ABLIM3: variants seen among roughly 807,000 people sequenced by gnomAD.
The protein encoded by ABLIM3 is actin binding LIM protein family member 3.
In ABLIM3, 61 loss-of-function variants were observed where a neutral mutation model predicts 109.5. That is an observed-to-expected ratio of 0.56 (90% confidence interval 0.45 to 0.69). ABLIM3 has a LOEUF of 0.69. Among genes scored for constraint, ABLIM3 ranks in the 30% least tolerant of loss-of-function variants. The probability of loss-of-function intolerance (pLI) is 0.00; values close to 1 mark genes in which losing one functional copy is unlikely to be tolerated. For synonymous variants in ABLIM3, 300 were observed against 324.8 expected (o/e 0.92, Z 0.82); for missense variants, 796 against 889.5 (o/e 0.89, Z 1.34).
At chr5:149,206,409 A>C (rs1480176975) in intron 5 of ABLIM3, among the ~76,000 whole-genome samples, 1 of 152,210 alleles carries the variant, frequency 6.6e-6, no homozygotes, top group Non-Finnish European at 1.5e-5. Flanking sequence ...CCATTCATTC[A>C]TACACATTTG....
intron 23 of ABLIM3, among the ~76,000 whole-genome samples, chr5:149,253,038 C>A (rs189796712): frequency 6.6e-6 from 1 of 152,112 alleles, no homozygotes; most frequent in African/African-American, 2.4e-5. Context: ...GCTGTTCCCC[C>A]AAAACTGCCC....
At chr5:149,149,858 T>C (rs1753270384) in intron 2 of ABLIM3, among the ~76,000 whole-genome samples, 1 of 152,146 alleles carries the variant, frequency 6.6e-6, no homozygotes, top group South Asian at 2.1e-4. Context: ...ACCAGGAGCC[T>C]AGTAACTGTG....
chr5:149,219,903 T>C (rs2127530032), intron 8 of ABLIM3: 1 of 152,394 alleles, frequency 6.6e-6, no homozygotes, highest in South Asian at 2.1e-4. Context: ...TTTGCCTCCC[T>C]GCCTGAATTC....
intron 23 of ABLIM3, among the ~76,000 whole-genome samples, chr5:149,253,930 TG>T (rs971056911): frequency 6.6e-6 from 1 of 152,220 alleles, no homozygotes; most frequent in Non-Finnish European, 1.5e-5. Flanking sequence ...TCCACATGGC[TG>T]GGGAGTCCTC....
chr5:149,255,982 A>T (rs1051996675), intron 23 of ABLIM3, among the ~76,000 whole-genome samples: 18 of 152,184 alleles, frequency 1.2e-4, no homozygotes, highest in Non-Finnish European at 1.6e-4. Flanking sequence ...GAAGTTCAGG[A>T]GGGGTTAGGT....
At chr5:149,230,516 G>A (rs1011993899) in intron 8 of ABLIM3, 133 bp from the exon 9 acceptor site, 1 of 900,898 alleles carries the variant, frequency 1.1e-6, no homozygotes, top group Non-Finnish European at 1.8e-6. Context: ...AGGGAGCTGG[G>A]AAAGCCAAGA....
At position 149,199,240 on chromosome 5, in the gene ABLIM3, A is replaced by C. The variant is rs1239693760; in HGVS notation, c.335+838A>C. 1.1e-4 allele frequency: 43 copies of C among 398,106 alleles called. 2 individuals carry two copies. The highest frequency in any genetic ancestry group is 7.6e-4 in the South Asian group (40 of 52,706). 24.7% of individuals were successfully genotyped at this position (398,106 alleles called of 1,614,324 possible). A position where few individuals can be genotyped will look rare whatever the true frequency, so the allele number is the denominator to read the frequency against. On this transcript the variant is annotated intron_variant, in intron 4 of 23. Transcript: ENST00000309868. Reference sequence around the variant, plus strand: ...AATGGACAGCTCTGATTACATCATAAGTAAAGCATGATTAGAGTATATACG... The same window carrying C: ...AATGGACAGCTCTGATTACATCATACGTAAAGCATGATTAGAGTATATACG...
chr5:149,230,496 A>T (rs896319489), intron 8 of ABLIM3, among the ~76,000 whole-genome samples, 153 bp from the exon 9 acceptor site: 1 of 152,118 alleles, frequency 6.6e-6, no homozygotes, highest in African/African-American at 2.4e-5. Flanking sequence ...TAGGTCTGAG[A>T]GGTGCCAGGA....
intron 23 of ABLIM3, 81 bp downstream of exon 23, chr5:149,252,918 C>A: frequency 9.0e-7 from 1 of 1,106,666 alleles, no homozygotes. Context: ...CTCAAGAGGG[C>A]TGGGTGGAAT....
At chr5:149,141,810 G>T (rs1752481531) in intron 1 of ABLIM3, 156 bp downstream of exon 1, 1 of 502,838 alleles carries the variant, frequency 2.0e-6, no homozygotes, top group Non-Finnish European at 3.6e-6. Context: ...CCCCACTTCT[G>T]CCCGGGATTC....
intron 3 of ABLIM3, among the ~76,000 whole-genome samples, chr5:149,192,781 C>G (rs967669201): frequency 6.6e-5 from 10 of 152,182 alleles, no homozygotes; most frequent in Admixed American, 3.3e-4. Context: ...CACCACCCCC[C>G]AAATCATAGA....
At chr5:149,166,455 C>G (rs748053120) in intron 2 of ABLIM3, among the ~76,000 whole-genome samples, 15 of 152,208 alleles carry the variant, frequency 9.9e-5, no homozygotes, top group Non-Finnish European at 1.6e-4. Flanking sequence ...GGGAAATTTT[C>G]TCCTGTATGT....
intron 3 of ABLIM3, among the ~76,000 whole-genome samples, chr5:149,186,851 A>G (rs1166965013): frequency 6.6e-6 from 1 of 152,112 alleles, no homozygotes. Context: ...TATGAGCAAA[A>G]AAAAAACAAC....
chr5:149,194,337 A>T (rs1757760713), intron 3 of ABLIM3, among the ~76,000 whole-genome samples: 1 of 152,254 alleles, frequency 6.6e-6, no homozygotes, highest in South Asian at 2.1e-4. Flanking sequence ...ATGATAAATG[A>T]TATCATTTCA....
At chr5:149,228,757 AT>A (rs1334260217) in intron 8 of ABLIM3, among the ~76,000 whole-genome samples, 2 of 151,566 alleles carry the variant, frequency 1.3e-5, no homozygotes, top group South Asian at 2.1e-4. Context: ...TTCTAATTAT[AT>A]TTTTTTTCTT....
chr5:149,250,456 T>C lies in ABLIM3; in HGVS notation c.1739T>C (p.Ile580Thr). 6.2e-7 allele frequency: 1 copy of C among 1,614,124 alleles called. No homozygotes were observed. The highest frequency in any genetic ancestry group is 8.5e-7 in the Non-Finnish European group (1 of 1,180,006). ...AGATCCTTCTTTTCAGATCCTCTCATCTCCAAATCTGCCTCCCTGCCTGCC... is the reference window on the plus strand; with the variant it reads ...AGATCCTTCTTTTCAGATCCTCTCACCTCCAAATCTGCCTCCCTGCCTGCC... ...SHYLADSDPL[I>T]SKSASLPAYR... The change falls in exon 20 of 24, where the codon ATC becomes ACC. Residue 580 changes from isoleucine to threonine, a missense_variant. Physicochemically the swap from Ile to Thr is moderately conservative, Grantham distance 89. Coordinates refer to ENST00000309868, the MANE Select transcript of ABLIM3 (RefSeq NM_014945.5).
intron 6 of ABLIM3, among the ~76,000 whole-genome samples, chr5:149,209,532 A>G (rs1173752791): frequency 6.6e-6 from 1 of 152,266 alleles, no homozygotes; most frequent in Non-Finnish European, 1.5e-5. Context: ...TCATTTTACC[A>G]TCCTCTTTTA....
chr5:149,159,049 A>G (rs1754095480), intron 2 of ABLIM3, among the ~76,000 whole-genome samples: 1 of 152,244 alleles, frequency 6.6e-6, no homozygotes, highest in African/African-American at 2.4e-5. Flanking sequence ...CGATAAAAAC[A>G]TATATCTGCA....
rs1756421857 is a variant in ABLIM3 at position 149,181,192 on chromosome 5, A to T, written c.14-2260A>T. ...AAACAGAATCTATATTTTTCTCACA[A>T]ATTCAGGGCAGAAGAGAGAGTGAAG... On this transcript the variant is annotated intron_variant, in intron 2 of 23. Transcript: ENST00000309868. Among the ~76,000 whole-genome samples the T allele has an allele frequency of 2.6e-5, 4 of 152,182 alleles. No homozygotes were observed. In the South Asian group the frequency reaches 8.3e-4, roughly 32 times the overall value.
Sources: allele counts gnomAD v4.1 joint callset (sites outside exome capture counted in the v4.1 genomes callset), GRCh38; gene constraint gnomAD v4.1.1; transcripts MANE v1.5; gene names NCBI Gene and HGNC (gene_info 2026-07-23, HGNC 2026-07-21).